The following STK10 variants were observed in gnomAD, a reference collection of about 807,000 sequenced individuals.
The protein encoded by STK10 is serine/threonine kinase 10.
STK10 carries 78 observed loss-of-function variants against 113.8 expected under a neutral mutation model. The observed-to-expected ratio is 0.69, with a 90% confidence interval of 0.57 to 0.83. The LOEUF (loss-of-function observed/expected upper bound fraction) is 0.83, where lower values mean the gene tolerates loss of function less well. STK10 is among the 40% of genes least tolerant of loss of function. The probability of loss-of-function intolerance (pLI) is 0.00; values close to 1 mark genes in which losing one functional copy is unlikely to be tolerated. For synonymous variants in STK10, 465 were observed against 494.7 expected (o/e 0.94, Z 0.80); for missense variants, 1,109 against 1,280.1 (o/e 0.87, Z 2.04).
intron 1 of STK10, among the ~76,000 whole-genome samples, chr5:172,173,314 C>T (rs1770694628): frequency 6.6e-6 from 1 of 152,178 alleles, no homozygotes; most frequent in Non-Finnish European, 1.5e-5. Flanking sequence ...TCAGGGCTGA[C>T]CAGGGAGGTT....
In STK10 at chr5:172,188,123, G is replaced by T; in HGVS notation, c.-81C>A. ...TCGGCGGCCGCGAGGAGAAGGAGGA[G>T]GAGTTGGAGGACGCCGCGTCTCTCG... On this transcript the variant is annotated 5_prime_UTR_variant, in exon 1 of 19. Coordinates refer to ENST00000176763, the MANE Select transcript of STK10 (RefSeq NM_005990.4). This position sits in a 1 kb window ranked among gnomAD's most constrained non-coding sequence, Gnocchi z 5.6. 1 of 1,532,338 alleles carries T rather than the reference G, an allele frequency of 6.5e-7. No homozygotes were observed. Among genetic ancestry groups the T allele is most frequent in the Non-Finnish European group, 8.8e-7 (1 of 1,139,930 alleles). 94.9% of individuals were successfully genotyped at this position (1,532,338 alleles called of 1,614,324 possible).
At position 172,107,644 on chromosome 5, in the gene STK10, G is replaced by C. The variant is rs77535286; in HGVS notation, c.593+136C>G. 2.8e-3 allele frequency: 1,801 copies of C among 650,086 alleles called. 29 individuals are homozygous for C. The East Asian group carries it at 0.03, about 11-fold the overall frequency. The allele number at this position is 650,086 out of a possible 1,614,324, so 40.3% of individuals were successfully genotyped here. A position where few individuals can be genotyped will look rare whatever the true frequency, so the allele number is the denominator to read the frequency against. ...GGGAAAGCTAAACAGCTTGTCCAAGGTCACACAGCTAGTAAGCCACGAGGC... is the reference window on the plus strand; with the variant it reads ...GGGAAAGCTAAACAGCTTGTCCAAGCTCACACAGCTAGTAAGCCACGAGGC... On this transcript the variant is annotated intron_variant, in intron 5 of 18. Transcript: ENST00000176763.
At chr5:172,106,875 C>A in intron 5 of STK10, 61 bp from the exon 6 acceptor site, 1 of 1,517,878 alleles carries the variant, frequency 6.6e-7, no homozygotes, top group Non-Finnish European at 8.9e-7. Context: ...GCTTCTTGGA[C>A]ATTCAGGGTC....
rs192681435 is a variant in STK10, at chr5:172,147,923, C to T, written c.321+8701G>A. ...TATGGGAGTTATGAGCCAGGAATTG[C>T]GGATGAAAACCAATATACATGTGAT... is the stretch of plus-strand genomic sequence containing the variant. On this transcript the variant is annotated intron_variant, in intron 2 of 18. Transcript: ENST00000176763. Among the ~76,000 whole-genome samples the T allele has an allele frequency of 3.7e-4, 57 of 152,258 alleles. No homozygotes were observed. The East Asian group carries it at 8.7e-3, about 23-fold the overall frequency.
intron 18 of STK10, among the ~76,000 whole-genome samples, chr5:172,050,984 T>C (rs1581129848): frequency 6.6e-6 from 1 of 151,488 alleles, no homozygotes; most frequent in Admixed American, 6.6e-5. Context: ...TGGTGGCGGG[T>C]GCCTGTAATC....
At position 172,117,559 on chromosome 5, in the gene STK10, G is replaced by A. The variant is rs1422258429; in HGVS notation, c.442C>T (p.Leu148=). Reference sequence around the variant, plus strand: ...CGGTGGATGATCCTCTTGCTGTGCAGGAAGTTGAGGGCTTCTAGCATCTGG... The same window carrying A: ...CGGTGGATGATCCTCTTGCTGTGCAAGAAGTTGAGGGCTTCTAGCATCTGG... ...CRQMLEALNF[L]HSKRIIHRDL... is the part of the protein sequence containing the mutation. The change falls in exon 4 of 19, where the codon CTG becomes TTG. Residue 148 remains leucine, a synonymous_variant. Coordinates refer to ENST00000176763, the MANE Select transcript of STK10 (RefSeq NM_005990.4). 3 of 1,613,990 alleles carry A rather than the reference G, an allele frequency of 1.9e-6. No individual in the cohort carries two copies. The highest frequency in any genetic ancestry group is 2.5e-6 in the Non-Finnish European group (3 of 1,180,020).
rs566181069 is a variant in STK10 at position 172,187,956 on chromosome 5, G to C, written c.87C>G (p.Asp29Glu). 2.5e-6 allele frequency: 4 copies of C among 1,613,666 alleles called. No homozygotes were observed. The South Asian group carries it at 4.4e-5, about 18-fold the overall frequency. ...TCTCCCACACCTCGTTGGGGTCCAG[G>C]TCGCGGCGGACGTGCTCATATTCGC... ...KSREYEHVRR[D>E]LDPNEVWEIV... The change falls in exon 1 of 19, where the codon GAC (aspartate) becomes GAG (glutamate). Residue 29 changes from aspartate to glutamate, a missense_variant. This residue lies in a region of STK10 where 57 missense variants were observed against 53.6 expected (regional missense o/e 1.06). Coordinates refer to ENST00000176763, the MANE Select transcript of STK10 (RefSeq NM_005990.4). The surrounding 1 kb of genome is among the most constrained non-coding windows in gnomAD (Gnocchi z 4.6).
chr5:172,081,283 A>G lies in STK10; in HGVS notation c.1989+1043T>C, dbSNP rs553863934. ...GAAGAATCGCTTGAACTCGGGAGGC[A>G]GAGGTTGCAGTGAGCCGAGATTGTG... On this transcript the variant is annotated intron_variant, in intron 12 of 18. Coordinates refer to ENST00000176763, the MANE Select transcript of STK10 (RefSeq NM_005990.4). 2.2e-3 allele frequency among the ~76,000 whole-genome samples: 335 copies of G among 150,212 alleles called. 1 individual carries two copies. Among genetic ancestry groups the G allele is most frequent in the South Asian group, 2.8e-3 (13 of 4,706 alleles).
chr5:172,146,183 C>G (rs13176834), intron 2 of STK10, among the ~76,000 whole-genome samples: 55,427 of 152,102 alleles, frequency 0.36, 10,233 homozygotes, highest in Non-Finnish European at 0.38. Context: ...GTGTCTGTGC[C>G]CCAGCACCTA....
chr5:172,179,549 C>CA (rs1242516229), intron 1 of STK10, among the ~76,000 whole-genome samples: 2 of 151,904 alleles, frequency 1.3e-5, no homozygotes, highest in Non-Finnish European at 2.9e-5. Context: ...TCGCATCAGC[C>CA]AAAAAAAATT....
At chr5:172,055,125 T>A (rs1433945707) in intron 16 of STK10, among the ~76,000 whole-genome samples, 1 of 152,164 alleles carries the variant, frequency 6.6e-6, no homozygotes, top group Non-Finnish European at 1.5e-5. Flanking sequence ...ATGAGGCTGA[T>A]GAAGCTTCCA....
chr5:172,184,258 G>A (rs1353271030), intron 1 of STK10, among the ~76,000 whole-genome samples: 1 of 152,108 alleles, frequency 6.6e-6, no homozygotes, highest in African/African-American at 2.4e-5. Flanking sequence ...TTGATTAGAG[G>A]GGTCTTTAGT....
chr5:172,101,829 T>C (rs1294467833), intron 7 of STK10, among the ~76,000 whole-genome samples: 1 of 152,138 alleles, frequency 6.6e-6, no homozygotes, highest in Non-Finnish European at 1.5e-5. Context: ...GGAAGGCCAT[T>C]CCAGGCGGCA....
chr5:172,117,431 C>T, intron 4 of STK10, 50 bp downstream of exon 4: 1 of 1,601,122 alleles, frequency 6.2e-7, no homozygotes, highest in Non-Finnish European at 8.5e-7. Flanking sequence ...AGGCCAACAC[C>T]CCCAGGCAGA....
chr5:172,166,747 G>A (rs1013090572), intron 1 of STK10, among the ~76,000 whole-genome samples: 19 of 152,178 alleles, frequency 1.2e-4, no homozygotes, highest in Non-Finnish European at 2.2e-4. Flanking sequence ...TTACTGACAA[G>A]AATAGAAACT....
chr5:172,106,966 T>C, intron 5 of STK10, 152 bp from the exon 6 acceptor site: 1 of 702,784 alleles, frequency 1.4e-6, no homozygotes, highest in East Asian at 3.1e-5. Flanking sequence ...ACTGTCTTCC[T>C]TAGGACGCTC....
chr5:172,143,812 C>T (rs1009258264), intron 2 of STK10, among the ~76,000 whole-genome samples: 4 of 152,108 alleles, frequency 2.6e-5, no homozygotes, highest in African/African-American at 4.8e-5. Context: ...TATCAAAGCC[C>T]GGGACCTAGT....
chr5:172,067,503 A>C (rs1768095025), intron 12 of STK10, among the ~76,000 whole-genome samples: 1 of 152,082 alleles, frequency 6.6e-6, no homozygotes, highest in South Asian at 2.1e-4. Context: ...CAATCAATAG[A>C]TGTCAGCTCC....
rs1424922772 is a variant in STK10, at chr5:172,054,651, T to C, written c.2570A>G (p.Gln857Arg). The change falls in exon 17 of 19, where the codon CAG (glutamine) becomes CGG (arginine). Residue 857 changes from glutamine (Q) to arginine (R), a missense_variant. Gln to Arg is a conservative substitution (Grantham distance 43, BLOSUM62 1). Transcript: ENST00000176763. ...EEKRQKSERLQQQQKHENQMR... is the reference protein window; with the variant it reads ...EEKRQKSERLRQQQKHENQMR... Reference sequence around the variant, plus strand: ...CTGGTTCTCGTGTTTCTGCTGTTGCTGCAGCCGCTCCGACTTCTGCCTCTT... The same window carrying C: ...CTGGTTCTCGTGTTTCTGCTGTTGCCGCAGCCGCTCCGACTTCTGCCTCTT... 1.9e-6 allele frequency: 3 copies of C among 1,611,062 alleles called. No homozygotes were observed. The highest frequency in any genetic ancestry group is 2.5e-6 in the Non-Finnish European group (3 of 1,180,004).
Sources: allele counts gnomAD v4.1 joint callset (sites outside exome capture counted in the v4.1 genomes callset), GRCh38; gene constraint gnomAD v4.1.1; regional missense constraint gnomAD v4.1.1; non-coding constraint Gnocchi (gnomAD v3.1); transcripts MANE v1.5; gene names NCBI Gene and HGNC (gene_info 2026-07-23, HGNC 2026-07-21).